Variants in SEMA6D observed in about 807,000 individuals in gnomAD.
SEMA6D encodes the protein semaphorin 6D.
Under a neutral mutation model 106.6 loss-of-function variants are expected in SEMA6D, and 35 were observed. The ratio of observed to expected loss-of-function variants is 0.33; its 90% confidence interval spans 0.25 to 0.44. The LOEUF is 0.44. Ranked by LOEUF, SEMA6D falls within the 20% of genes least tolerant of loss-of-function variation. The pLI, the probability that SEMA6D is intolerant of heterozygous loss-of-function variation, is 1.00. For synonymous variants in SEMA6D, 499 were observed against 487.7 expected, an observed-to-expected ratio of 1.02 and a Z score of -0.31; for missense variants, 1,185 against 1,345.9, an observed-to-expected ratio of 0.88 and a Z score of 1.87.
intron 1 of SEMA6D, among the ~76,000 whole-genome samples, chr15:47,229,626 A>T (rs749022102): frequency 1.3e-5 from 2 of 150,148 alleles, no homozygotes; most frequent in Non-Finnish European, 3.0e-5. Context: ...CTTTGGTACT[A>T]GCATTTGGCT....
At chr15:47,205,030 A>G (rs945183273) in intron 1 of SEMA6D, among the ~76,000 whole-genome samples, 1 of 152,150 alleles carries the variant, frequency 6.6e-6, no homozygotes, top group African/African-American at 2.4e-5. Context: ...AGAAAGCTAT[A>G]TAAGAGGACA....
chr15:47,496,543 C>T (rs898601248), intron 3 of SEMA6D, among the ~76,000 whole-genome samples: 3 of 152,012 alleles, frequency 2.0e-5, no homozygotes, highest in African/African-American at 7.2e-5. Context: ...ATTCTACCTC[C>T]GATACCAATG....
At chr15:47,682,123 T>TGTGAGGAGGAGACAATGTGAGGAG (rs2078366919) in intron 4 of SEMA6D, among the ~76,000 whole-genome samples, 2 of 152,038 alleles carry the variant, frequency 1.3e-5, no homozygotes, top group Non-Finnish European at 2.9e-5. Flanking sequence ...CTCAACGAGT[T>TGTGAGGAGGAGACAATGTGAGGAG]ACTATGTGAG....
chr15:47,398,234 A>G (rs1381817521), intron 1 of SEMA6D, among the ~76,000 whole-genome samples: 1 of 152,218 alleles, frequency 6.6e-6, no homozygotes, highest in African/African-American at 2.4e-5. Flanking sequence ...AGTCATTTCC[A>G]ATCTAGCTTT....
At chr15:47,470,799 GA>G (rs909964784) in intron 3 of SEMA6D, among the ~76,000 whole-genome samples, 1 of 151,926 alleles carries the variant, frequency 6.6e-6, no homozygotes, top group African/African-American at 2.4e-5. Context: ...TGCCAATTTA[GA>G]AAAAAATATA....
chr15:47,407,275 A>G (rs2040608037), intron 1 of SEMA6D, among the ~76,000 whole-genome samples: 1 of 149,308 alleles, frequency 6.7e-6, no homozygotes. Context: ...AGGCTGAGGC[A>G]GGAAAATCGC....
chr15:47,486,888 G>A (rs775396052), intron 3 of SEMA6D, among the ~76,000 whole-genome samples: 28 of 152,100 alleles, frequency 1.8e-4, no homozygotes, highest in Non-Finnish European at 3.1e-4. Context: ...CATTCCCTGA[G>A]CATCCTACAG....
intron 1 of SEMA6D, among the ~76,000 whole-genome samples, chr15:47,348,673 T>TCTCACACA (rs1485740554): frequency 9.5e-6 from 1 of 105,000 alleles, no homozygotes; most frequent in East Asian, 2.7e-4. Context: ...CAAGAGTACA[T>TCTCACACA]CACACACACA....
intron 1 of SEMA6D, among the ~76,000 whole-genome samples, chr15:47,223,375 C>T (rs1181206955): frequency 6.6e-6 from 1 of 152,064 alleles, no homozygotes; most frequent in Non-Finnish European, 1.5e-5. Flanking sequence ...ACTTTTCTGT[C>T]AAAGAGATTT....
rs186484214 is a variant in SEMA6D at position 47,590,173 on chromosome 15, A to G, written c.-86-10692A>G. Among the ~76,000 whole-genome samples, 591 of 152,314 alleles carry G rather than the reference A, an allele frequency of 3.9e-3. 1 individual carries two copies. Among genetic ancestry groups the G allele is most frequent in the African/African-American group, 0.013 (559 of 41,560 alleles). On this transcript the variant is annotated intron_variant, in intron 3 of 19. Transcript: ENST00000558014. Reference sequence around the variant, plus strand: ...AGACTGGATTAAGAAAATGTGGCACAGATACACCATGGAATACTATGCAGC... The same window carrying G: ...AGACTGGATTAAGAAAATGTGGCACGGATACACCATGGAATACTATGCAGC...
chr15:47,362,854 G>A (rs1236972426), intron 1 of SEMA6D, among the ~76,000 whole-genome samples: 8 of 152,178 alleles, frequency 5.3e-5, no homozygotes, highest in Non-Finnish European at 1.2e-4. Context: ...TATAGAGAGT[G>A]TGAGCTTCCA....
intron 1 of SEMA6D, among the ~76,000 whole-genome samples, chr15:47,242,085 C>A (rs961568738): frequency 6.6e-6 from 1 of 152,036 alleles, no homozygotes; most frequent in Non-Finnish European, 1.5e-5. Flanking sequence ...TTGAAACCCA[C>A]CTTTAACATG....
intron 3 of SEMA6D, among the ~76,000 whole-genome samples, chr15:47,495,161 G>T (rs2043611162): frequency 6.6e-6 from 1 of 151,856 alleles, no homozygotes; most frequent in South Asian, 2.1e-4. Flanking sequence ...AAAACTGGAA[G>T]TCGTTCTTAT....
chr15:47,639,458 A>G (rs1430831743), intron 4 of SEMA6D, among the ~76,000 whole-genome samples: 1 of 152,250 alleles, frequency 6.6e-6, no homozygotes, highest in African/African-American at 2.4e-5. Context: ...ATGCAGATGA[A>G]TTCCAAATAA....
At chr15:47,565,336 G>T (rs771585678) in intron 3 of SEMA6D, among the ~76,000 whole-genome samples, 32 of 152,130 alleles carry the variant, frequency 2.1e-4, no homozygotes, top group Non-Finnish European at 4.1e-4. Flanking sequence ...GGAGCACAGC[G>T]GGTCTGAGTG....
At chr15:47,323,365 A>G (rs2143759104) in intron 1 of SEMA6D, among the ~76,000 whole-genome samples, 1 of 152,296 alleles carries the variant, frequency 6.6e-6, no homozygotes, top group Middle Eastern at 3.4e-3. Context: ...GCAGAGTAGA[A>G]TTTTATTAAG....
At chr15:47,588,787 G>C (rs1482870667) in intron 3 of SEMA6D, among the ~76,000 whole-genome samples, 1 of 152,160 alleles carries the variant, frequency 6.6e-6, no homozygotes, top group East Asian at 1.9e-4. Context: ...GAGTTTTATA[G>C]TCCCTTAGTA....
intron 2 of SEMA6D, among the ~76,000 whole-genome samples, chr15:47,468,639 C>G (rs8037983): frequency 0.044 from 6,756 of 152,198 alleles, 403 homozygotes; most frequent in African/African-American, 0.14. Flanking sequence ...TTATCAAAAC[C>G]CTTTATTTTA....
chr15:47,647,519 A>G (rs1158971481), intron 4 of SEMA6D, among the ~76,000 whole-genome samples: 6 of 152,206 alleles, frequency 3.9e-5, no homozygotes, highest in African/African-American at 1.4e-4. Context: ...ACATTTCCAT[A>G]CTTAACAGAC....
Sources: allele counts gnomAD v4.1 joint callset (sites outside exome capture counted in the v4.1 genomes callset), GRCh38; gene constraint gnomAD v4.1.1; transcripts MANE v1.5; gene names NCBI Gene and HGNC (gene_info 2026-07-23, HGNC 2026-07-21).